The following EPB41L4A variants were observed in gnomAD, a reference collection of about 807,000 sequenced individuals.
EPB41L4A encodes erythrocyte membrane protein band 4.1 like 4A.
Under a neutral mutation model 108.6 loss-of-function variants are expected in EPB41L4A, and 100 were observed. That is an observed-to-expected ratio of 0.92 (90% confidence interval 0.78 to 1.09). The LOEUF (loss-of-function observed/expected upper bound fraction) is 1.09. Ranked by LOEUF, EPB41L4A falls within the 50% of genes least tolerant of loss-of-function variation. The pLI is 0.00. For missense variants in EPB41L4A, 1,030 were observed against 842.7 expected, an observed-to-expected ratio of 1.22 and a Z score of -2.75; for synonymous variants, 319 against 289.0, an observed-to-expected ratio of 1.10 and a Z score of -1.05.
intron 1 of EPB41L4A, among the ~76,000 whole-genome samples, chr5:112,394,192 C>T (rs1478819324): frequency 6.6e-6 from 1 of 152,160 alleles, no homozygotes; most frequent in Non-Finnish European, 1.5e-5. Context: ...GACAGGGATG[C>T]CCTCTCTCAC....
intron 13 of EPB41L4A, among the ~76,000 whole-genome samples, chr5:112,145,701 A>T (rs987285300): frequency 7.2e-5 from 11 of 152,196 alleles, no homozygotes; most frequent in African/African-American, 2.7e-4. Flanking sequence ...CATTTAATTT[A>T]TTCTATTTAA....
At chr5:112,338,095 T>G (rs546375581) in intron 1 of EPB41L4A, among the ~76,000 whole-genome samples, 1 of 152,302 alleles carries the variant, frequency 6.6e-6, no homozygotes, top group East Asian at 1.9e-4. Context: ...AAATGCCATG[T>G]GTCACCTTTT....
At chr5:112,220,983 T>A (rs1748003913) in intron 12 of EPB41L4A, among the ~76,000 whole-genome samples, 1 of 152,216 alleles carries the variant, frequency 6.6e-6, no homozygotes, top group Non-Finnish European at 1.5e-5. Context: ...TATACACATA[T>A]CTCATTTCTT....
intron 1 of EPB41L4A, chr5:112,363,368 G>C (rs1295447140): frequency 1.4e-5 from 2 of 139,596 alleles, no homozygotes; most frequent in South Asian, 2.2e-4. Context: ...GGCTGAGGTA[G>C]AAGGATCACT....
At chr5:112,388,863 C>T (rs1241084051) in intron 1 of EPB41L4A, among the ~76,000 whole-genome samples, 1 of 152,182 alleles carries the variant, frequency 6.6e-6, no homozygotes, top group African/African-American at 2.4e-5. Context: ...AGGCAGGAGA[C>T]AGCCTCCACA....
At chr5:112,324,332 AGT>A (rs1170492461) in intron 1 of EPB41L4A, among the ~76,000 whole-genome samples, 2 of 152,214 alleles carry the variant, frequency 1.3e-5, no homozygotes, top group Non-Finnish European at 2.9e-5. Flanking sequence ...AAGTAACCAC[AGT>A]AGGATTTTTT....
intron 12 of EPB41L4A, among the ~76,000 whole-genome samples, chr5:112,216,458 T>C (rs2150325824): frequency 6.6e-6 from 1 of 152,312 alleles, no homozygotes; most frequent in African/African-American, 2.4e-5. Context: ...CGAGAATACC[T>C]TATTCTGATA....
intron 1 of EPB41L4A, among the ~76,000 whole-genome samples, chr5:112,349,350 A>G (rs559709284): frequency 1.1e-3 from 167 of 152,268 alleles, no homozygotes; most frequent in African/African-American, 3.9e-3. Flanking sequence ...CCTTGGAAAG[A>G]GGCAGGGCCT....
In EPB41L4A at chr5:112,205,376, C is replaced by A. The variant is rs1021993133; in HGVS notation, c.1262+45G>T. On this transcript the variant is annotated intron_variant, in intron 14 of 22. Transcript: ENST00000261486. ...TTATTCAATGAGCTGCATGTACTAA[C>A]CCCTTTTCTACTGTCTCCTTTATAA... 3 of 1,481,762 alleles carry A rather than the reference C, an allele frequency of 2.0e-6. No individual in the cohort carries two copies. The African/African-American group carries it at 4.2e-5, about 21-fold the overall frequency. 91.8% of individuals were successfully genotyped at this position (1,481,762 alleles called of 1,614,324 possible).
At position 112,211,715 on chromosome 5, in the gene EPB41L4A, G is replaced by C. The variant is rs886311007; in HGVS notation, c.1088-1733C>G. Among the ~76,000 whole-genome samples, 16 of 152,150 alleles carry C rather than the reference G, an allele frequency of 1.1e-4. 1 individual carries two copies. Among genetic ancestry groups the C allele is most frequent in the African/African-American group, 3.4e-4 (14 of 41,424 alleles). On this transcript the variant is annotated intron_variant, in intron 12 of 22. Coordinates refer to ENST00000261486, the MANE Select transcript of EPB41L4A (RefSeq NM_022140.5). ...CCTCAAAGTTGGCAAGTTTCCTCCA[G>C]AGCAGTTGGGAAGTATGTCTGGCTT...
At chr5:112,295,585 C>T (rs1254043982) in intron 2 of EPB41L4A, among the ~76,000 whole-genome samples, 1 of 152,152 alleles carries the variant, frequency 6.6e-6, no homozygotes, top group African/African-American at 2.4e-5. Context: ...TAGTGCATTG[C>T]CCAAGGGCAC....
intron 1 of EPB41L4A, among the ~76,000 whole-genome samples, chr5:112,415,729 T>C (rs1350297659): frequency 6.6e-6 from 1 of 152,136 alleles, no homozygotes; most frequent in African/African-American, 2.4e-5. Flanking sequence ...ATATCCTTAC[T>C]TGAATAAACA....
intron 20 of EPB41L4A, 69 bp from the exon 21 acceptor site, chr5:112,169,174 A>AT (rs1760431600): frequency 9.3e-7 from 1 of 1,080,758 alleles, no homozygotes; most frequent in Non-Finnish European, 1.4e-6. Context: ...GGAGTTCTTA[A>AT]TATTGAAACC....
chr5:112,388,014 T>C (rs1371734245), intron 1 of EPB41L4A, among the ~76,000 whole-genome samples: 1 of 152,184 alleles, frequency 6.6e-6, no homozygotes, highest in Non-Finnish European at 1.5e-5. Flanking sequence ...ACAGAAATTT[T>C]AAGGCACCAA....
intron 14 of EPB41L4A, 41 bp downstream of exon 14, chr5:112,205,380 T>C: frequency 3.9e-6 from 6 of 1,536,396 alleles, no homozygotes; most frequent in Non-Finnish European, 5.4e-6. Flanking sequence ...TACTAACCCC[T>C]TTTCTACTGT....
intron 9 of EPB41L4A, among the ~76,000 whole-genome samples, chr5:112,241,310 C>T (rs1015507628): frequency 2.2e-4 from 33 of 152,136 alleles, no homozygotes; most frequent in Non-Finnish European, 3.2e-4. Flanking sequence ...TTAAATAATG[C>T]CTCTGATGCC....
At chr5:112,331,389 C>A (rs1264347947) in intron 1 of EPB41L4A, among the ~76,000 whole-genome samples, 1 of 152,162 alleles carries the variant, frequency 6.6e-6, no homozygotes, top group Non-Finnish European at 1.5e-5. Flanking sequence ...AGACAAAAGG[C>A]CCCAAACTGG....
rs933430121 is a variant in EPB41L4A at position 112,234,036 on chromosome 5, G to A, written c.1087+598C>T. Among the ~76,000 whole-genome samples, 52 of 151,626 alleles carry A rather than the reference G, an allele frequency of 3.4e-4. 1 individual carries two copies. The highest frequency in any genetic ancestry group is 1.2e-3 in the African/African-American group (51 of 41,272). Reference sequence around the variant, plus strand: ...AAAACCCCTTCAAAAAGAACGTATGGGGCCAGGCATGGTGGTTCATGCCTG... The same window carrying A: ...AAAACCCCTTCAAAAAGAACGTATGAGGCCAGGCATGGTGGTTCATGCCTG... On this transcript the variant is annotated intron_variant, in intron 12 of 22. Transcript: ENST00000261486.
chr5:112,189,442 T>C lies in EPB41L4A; in HGVS notation c.1502+5126A>G, dbSNP rs1414255603. Among the ~76,000 whole-genome samples, 2 of 152,160 alleles carry C rather than the reference T, an allele frequency of 1.3e-5. 1 individual carries two copies. Among genetic ancestry groups the C allele is most frequent in the Non-Finnish European group, 2.9e-5 (2 of 68,034 alleles). On this transcript the variant is annotated intron_variant, in intron 17 of 22. Coordinates refer to ENST00000261486, the MANE Select transcript of EPB41L4A (RefSeq NM_022140.5). ...CAGAATTCTTCAAAGTGGGTTCAAT[T>C]TCATAGTACAGGCTCCCAGATTTGC...
Sources: allele counts gnomAD v4.1 joint callset (sites outside exome capture counted in the v4.1 genomes callset), GRCh38; gene constraint gnomAD v4.1.1; transcripts MANE v1.5; gene names NCBI Gene and HGNC (gene_info 2026-07-23, HGNC 2026-07-21).